Variants in DIS3L2 observed in about 807,000 individuals in gnomAD.
DIS3L2 encodes DIS3-like exonuclease 2.
Under a neutral mutation model 97.5 loss-of-function variants are expected in DIS3L2, and 34 were observed. The ratio of observed to expected loss-of-function variants is 0.35; its 90% CI spans 0.27 to 0.46. The LOEUF is 0.46. Among genes scored for constraint, DIS3L2 ranks in the 20% least tolerant of loss-of-function variants. DIS3L2 has a pLI of 1.00. For synonymous variants in DIS3L2, 435 were observed against 445.2 expected (o/e 0.98, Z 0.29); for missense variants, 1,038 against 1,146.0 (o/e 0.91, Z 1.36).
chr2:231,999,965 ACT>A (rs1490467703), intron 1 of DIS3L2, among the ~76,000 whole-genome samples: 3 of 152,002 alleles, frequency 2.0e-5, no homozygotes, highest in African/African-American at 7.2e-5. Flanking sequence ...CTTAAAATAC[ACT>A]CTCTTAGCAA....
chr2:232,002,210 C>A (rs1380172284), intron 1 of DIS3L2, among the ~76,000 whole-genome samples: 1 of 152,090 alleles, frequency 6.6e-6, no homozygotes, highest in Non-Finnish European at 1.5e-5. Flanking sequence ...TCTGGGTTTT[C>A]TATTCTGTTC....
At chr2:232,203,741 G>A (rs1339781584) in intron 9 of DIS3L2, among the ~76,000 whole-genome samples, 1 of 152,168 alleles carries the variant, frequency 6.6e-6, no homozygotes. Context: ...GCAGGTTGCA[G>A]GCATGGGTAG....
intron 5 of DIS3L2, among the ~76,000 whole-genome samples, chr2:232,086,611 G>GTATATATATATATATATACACATATATA (rs1445271893): frequency 1.7e-5 from 1 of 58,070 alleles, no homozygotes; most frequent in African/African-American, 6.1e-5. Flanking sequence ...ATGTGTGTGT[G>GTATATATATATATATATACACATATATA]TGTATATATA....
chr2:232,241,877 T>C (rs1359551555), intron 11 of DIS3L2, among the ~76,000 whole-genome samples: 2 of 152,254 alleles, frequency 1.3e-5, no homozygotes, highest in Non-Finnish European at 2.9e-5. Context: ...ACCTAAATTT[T>C]CTGCCTATTG....
At chr2:232,047,357 A>G (rs1695270141) in intron 5 of DIS3L2, among the ~76,000 whole-genome samples, 1 of 152,244 alleles carries the variant, frequency 6.6e-6, no homozygotes, top group African/African-American at 2.4e-5. Flanking sequence ...TACAAGAGGA[A>G]AATGTAAAGA....
intron 8 of DIS3L2, among the ~76,000 whole-genome samples, chr2:232,157,227 A>G (rs894539437): frequency 6.6e-6 from 1 of 152,192 alleles, no homozygotes; most frequent in African/African-American, 2.4e-5. Flanking sequence ...AACTGTAGAG[A>G]TGAGCATTAT....
chr2:232,342,454 A>G (rs983297751), intron 13 of DIS3L2, among the ~76,000 whole-genome samples: 3 of 152,188 alleles, frequency 2.0e-5, no homozygotes, highest in Non-Finnish European at 2.9e-5. Flanking sequence ...GTTTGTTTTA[A>G]CAAACCTTGT....
At chr2:231,982,460 A>G (rs1055582328) in intron 1 of DIS3L2, among the ~76,000 whole-genome samples, 5 of 152,154 alleles carry the variant, frequency 3.3e-5, no homozygotes, top group Non-Finnish European at 7.3e-5. Flanking sequence ...CTGCAGTTAA[A>G]TCTTTCAATC....
intron 5 of DIS3L2, among the ~76,000 whole-genome samples, chr2:232,072,287 A>G (rs1696041181): frequency 6.6e-6 from 1 of 152,170 alleles, no homozygotes; most frequent in Non-Finnish European, 1.5e-5. Flanking sequence ...AGGAAAGGAA[A>G]TATGATTTTG....
intron 11 of DIS3L2, among the ~76,000 whole-genome samples, chr2:232,245,377 G>A (rs1693220685): frequency 6.6e-6 from 1 of 152,188 alleles, no homozygotes; most frequent in African/African-American, 2.4e-5. Context: ...CTCCTTTCCA[G>A]CCCTCCTCCA....
chr2:232,234,476 A>G (rs1462785722), intron 10 of DIS3L2, among the ~76,000 whole-genome samples: 1 of 152,144 alleles, frequency 6.6e-6, no homozygotes, highest in Non-Finnish European at 1.5e-5. Context: ...CAGCCTCCCA[A>G]GTAGCTGGGA....
At chr2:231,968,851 C>T (rs1200300494) in intron 1 of DIS3L2, among the ~76,000 whole-genome samples, 3 of 152,254 alleles carry the variant, frequency 2.0e-5, no homozygotes, top group African/African-American at 7.2e-5. Flanking sequence ...GGTTTTAGGT[C>T]CCCACCCAAA....
At chr2:232,003,657 T>A (rs1693968278) in intron 1 of DIS3L2, among the ~76,000 whole-genome samples, 2 of 152,182 alleles carry the variant, frequency 1.3e-5, no homozygotes, top group South Asian at 4.1e-4. Flanking sequence ...TTTTCTCTTT[T>A]ATCTGAAAAA....
chr2:232,020,120 T>C (rs11677294), intron 3 of DIS3L2, among the ~76,000 whole-genome samples: 1,710 of 152,178 alleles, frequency 0.011, 19 homozygotes, highest in Non-Finnish European at 0.016. Context: ...AAGGGAGTTA[T>C]ATTATGGGAC....
intron 13 of DIS3L2, among the ~76,000 whole-genome samples, chr2:232,272,377 T>G (rs1694030812): frequency 6.6e-6 from 1 of 152,064 alleles, no homozygotes; most frequent in Non-Finnish European, 1.5e-5. Flanking sequence ...ACCAATAAGA[T>G]AAAAGCAAGG....
chr2:232,143,096 T>G (rs1215084560), intron 8 of DIS3L2, among the ~76,000 whole-genome samples: 1 of 152,214 alleles, frequency 6.6e-6, no homozygotes, highest in Non-Finnish European at 1.5e-5. Flanking sequence ...CTGAGAACAC[T>G]AATCTTGACT....
chr2:232,336,830 G>A lies in DIS3L2; in HGVS notation c.*200G>A. 1 of 1,408,112 alleles carries A rather than the reference G, an allele frequency of 7.1e-7. No homozygotes were observed. Among genetic ancestry groups the A allele is most frequent in the Non-Finnish European group, 9.2e-7 (1 of 1,085,732 alleles). 87.2% of individuals were successfully genotyped at this position (1,408,112 alleles called of 1,614,324 possible). A position where few individuals can be genotyped will look rare whatever the true frequency, so the allele number is the denominator to read the frequency against. On this transcript the variant is annotated 3_prime_UTR_variant, in exon 21 of 21. Transcript: ENST00000325385. ...GGGGCTGGAAGGAAGGCTGAGGCCT[G>A]GTCAGCAGTGACCCCAGCAGAGCAG... is the stretch of plus-strand genomic sequence containing the variant.
intron 5 of DIS3L2, among the ~76,000 whole-genome samples, chr2:232,086,027 G>A (rs952572281): frequency 6.6e-6 from 1 of 151,850 alleles, no homozygotes; most frequent in African/African-American, 2.4e-5. Flanking sequence ...TGCCCAGGCC[G>A]GTCTTAAACT....
chr2:232,205,642 C>T (rs868497740), intron 9 of DIS3L2, among the ~76,000 whole-genome samples: 4 of 152,044 alleles, frequency 2.6e-5, no homozygotes, highest in Admixed American at 1.3e-4. Flanking sequence ...AAAAGGAACA[C>T]GTGAGTAGGA....
Sources: gnomAD v4.1 joint callset for allele counts (sites outside exome capture counted in the v4.1 genomes callset) on GRCh38, gnomAD v4.1.1 for gene constraint, MANE v1.5 for transcripts, NCBI Gene and HGNC (gene_info 2026-07-23, HGNC 2026-07-21) for gene names.